Variants in ABCC5 observed in about 807,000 individuals in gnomAD.
ABCC5 encodes the protein ATP-binding cassette sub-family C member 5.
ABCC5 carries 61 observed loss-of-function variants against 160.9 expected under a neutral mutation model. That is an observed-to-expected ratio of 0.38 (90% CI 0.31 to 0.47). The LOEUF is 0.47. Among genes scored for constraint, ABCC5 ranks in the 20% least tolerant of loss-of-function variants. The pLI, the probability that ABCC5 is intolerant of heterozygous loss-of-function variation, is 0.99. For synonymous variants in ABCC5, 666 were observed against 700.6 expected, an observed-to-expected ratio of 0.95 and a Z score of 0.78; for missense variants, 1,308 against 1,813.3, an observed-to-expected ratio of 0.72 and a Z score of 5.06.
At chr3:184,010,376 C>A (rs1471346600) in intron 2 of ABCC5, 1 of 151,728 alleles carries the variant, frequency 6.6e-6, no homozygotes, top group Non-Finnish European at 1.5e-5. Flanking sequence ...TATTAGCCTT[C>A]ATATTTCTCT....
chr3:183,976,703 C>T (rs1718246879), intron 10 of ABCC5, among the ~76,000 whole-genome samples: 1 of 152,122 alleles, frequency 6.6e-6, no homozygotes, highest in African/African-American at 2.4e-5. Context: ...TATATTCATC[C>T]CTCAAACATG....
At chr3:183,935,218 T>A (rs949364775) in intron 26 of ABCC5, among the ~76,000 whole-genome samples, 1 of 152,012 alleles carries the variant, frequency 6.6e-6, no homozygotes, top group Non-Finnish European at 1.5e-5. Context: ...TCTCGCTCTG[T>A]CGTCCAGGCT....
At chr3:183,980,873 C>T (rs867189890) in intron 8 of ABCC5, among the ~76,000 whole-genome samples, 4 of 152,028 alleles carry the variant, frequency 2.6e-5, no homozygotes, top group African/African-American at 9.7e-5. Context: ...CCACCACACC[C>T]AGCTTATTTT....
At position 183,963,273 on chromosome 3, in the gene ABCC5, C is replaced by G; in HGVS notation, c.2235+112G>C. ...GGGCTAATTTGCTAAGAAAATGAAA[C>G]CTTGATTCCAGGAATTTCTAGTTAT... On this transcript the variant is annotated intron_variant, in intron 15 of 29. Coordinates refer to ENST00000334444, the MANE Select transcript of ABCC5 (RefSeq NM_005688.4). This position sits in a 1 kb window ranked among gnomAD's most constrained non-coding sequence, Gnocchi z 4.6. The G allele has an allele frequency of 8.3e-7, 1 of 1,203,324 alleles. No individual in the cohort carries two copies. The allele number at this position is 1,203,324 out of a possible 1,614,324, so 74.5% of individuals were successfully genotyped here.
intron 29 of ABCC5, among the ~76,000 whole-genome samples, chr3:183,922,934 C>T (rs1577440519): frequency 6.6e-6 from 1 of 152,042 alleles, no homozygotes; most frequent in Non-Finnish European, 1.5e-5. Flanking sequence ...CCCCACACTG[C>T]TGAGCTGCAC....
At chr3:183,944,691 C>T (rs1714679282) in intron 24 of ABCC5, among the ~76,000 whole-genome samples, 1 of 152,306 alleles carries the variant, frequency 6.6e-6, no homozygotes, top group East Asian at 1.9e-4. Flanking sequence ...TGGCCCAACA[C>T]AAATTCGTCA....
chr3:183,984,188 T>C (rs921251135), intron 5 of ABCC5: 26 of 985,428 alleles, frequency 2.6e-5, no homozygotes, highest in Admixed American at 6.1e-5. Context: ...GAATTACCTC[T>C]GCTCGGGACA....
At chr3:183,926,775 G>A (rs933786985) in intron 28 of ABCC5, among the ~76,000 whole-genome samples, 1 of 151,384 alleles carries the variant, frequency 6.6e-6, no homozygotes, top group Non-Finnish European at 1.5e-5. Context: ...GGCCAGACAC[G>A]GTGGCTCACG....
intron 17 of ABCC5, among the ~76,000 whole-genome samples, chr3:183,956,265 G>T (rs1487182619): frequency 2.7e-5 from 4 of 149,016 alleles, no homozygotes; most frequent in Admixed American, 6.7e-5. Context: ...AATCACATCG[G>T]TTACATGCAG....
chr3:183,924,013 T>C (rs1179580057), intron 29 of ABCC5, among the ~76,000 whole-genome samples: 2 of 50,918 alleles, frequency 3.9e-5, no homozygotes, highest in Admixed American at 2.3e-4. Flanking sequence ...CTGTTTGCTT[T>C]TTTTTTTTTT....
In ABCC5 at chr3:183,949,919, C is replaced by A. The variant is rs1715185446; in HGVS notation, c.3099-38G>T. 6.2e-7 allele frequency: 1 copy of A among 1,614,024 alleles called. No individual in the cohort carries two copies. Among genetic ancestry groups the A allele is most frequent in the Non-Finnish European group, 8.5e-7 (1 of 1,179,922 alleles). On this transcript the variant is annotated intron_variant, in intron 21 of 29. Coordinates refer to ENST00000334444, the MANE Select transcript of ABCC5 (RefSeq NM_005688.4). The surrounding 1 kb of genome is among the most constrained non-coding windows in gnomAD (Gnocchi z 4.2). ...TGAGCTCCGTGTCACAGCACCTACC[C>A]AGCAACTGAGGCTTCTCCGTGGCCC... is the stretch of plus-strand genomic sequence containing the variant.
chr3:184,014,204 G>A (rs987225543), intron 2 of ABCC5, 60 bp downstream of exon 2: 12 of 1,513,482 alleles, frequency 7.9e-6, no homozygotes, highest in East Asian at 6.9e-5. Context: ...CCCATTATAC[G>A]AAAAAAGATG....
intron 22 of ABCC5, 50 bp from the exon 23 acceptor site, chr3:183,947,560 G>A (rs1373922477): frequency 6.8e-5 from 98 of 1,435,284 alleles, no homozygotes; most frequent in South Asian, 1.1e-4. Flanking sequence ...ACACAACCCC[G>A]CGCATGGACA....
Position 183,963,663 on chromosome 3 carries a change from C to A in ABCC5, c.2032-75G>T. The A allele has an allele frequency of 7.0e-7, 1 of 1,428,044 alleles. No individual in the cohort carries two copies. The highest frequency in any genetic ancestry group is 9.7e-7 in the Non-Finnish European group (1 of 1,034,640). 88.5% of individuals were successfully genotyped at this position (1,428,044 alleles called of 1,614,324 possible). A position where few individuals can be genotyped will look rare whatever the true frequency, so the allele number is the denominator to read the frequency against. ...GCGTGGAGGGGTCACCCAGTCACTT[C>A]TCTTCTTGCCCACCCAGACCAGCTC... On this transcript the variant is annotated intron_variant, in intron 14 of 29. Transcript: ENST00000334444. The surrounding 1 kb of genome is among the most constrained non-coding windows in gnomAD (Gnocchi z 4.6).
intron 28 of ABCC5, 142 bp downstream of exon 28, chr3:183,927,188 G>T (rs1712667683): frequency 1.2e-6 from 1 of 809,580 alleles, no homozygotes; most frequent in Non-Finnish European, 1.9e-6. Context: ...ATTGTGTCAG[G>T]GTTAGAGTTA....
At chr3:183,952,949 T>C (rs1447299254) in intron 18 of ABCC5, 137 bp downstream of exon 18, 2 of 1,075,720 alleles carry the variant, frequency 1.9e-6, no homozygotes, top group Non-Finnish European at 2.6e-6. Context: ...GGGACTCATC[T>C]TTTCATCCTG....
At chr3:183,965,526 G>A (rs967358613) in intron 12 of ABCC5, 25 bp from the exon 13 acceptor site, 1 of 1,613,030 alleles carries the variant, frequency 6.2e-7, no homozygotes, top group African/African-American at 1.3e-5. Context: ...ACCATCCAAT[G>A]GCATCATAAC....
Position 183,920,969 on chromosome 3 carries a change from A to G in ABCC5, c.*331T>C, listed in dbSNP as rs1711912443. The G allele has an allele frequency of 5.5e-6, 1 of 182,564 alleles. No individual in the cohort carries two copies. The highest frequency in any genetic ancestry group is 1.1e-5 in the Non-Finnish European group (1 of 88,362). The allele number at this position is 182,564 out of a possible 1,614,324, so 11.3% of individuals were successfully genotyped here. A position where few individuals can be genotyped will look rare whatever the true frequency, so the allele number is the denominator to read the frequency against. On this transcript the variant is annotated 3_prime_UTR_variant, in exon 30 of 30. Transcript: ENST00000334444. The surrounding 1 kb of genome is among the most constrained non-coding windows in gnomAD (Gnocchi z 4.1). ...TAAACAGCTTACATTTTCACTGTAA[A>G]TATAGGCTATGTACAGAATTATATA...
intron 27 of ABCC5, 59 bp downstream of exon 27, chr3:183,928,688 C>G (rs1712857034): frequency 6.7e-7 from 1 of 1,482,414 alleles, no homozygotes; most frequent in African/African-American, 1.4e-5. Flanking sequence ...GTGGCAAGGG[C>G]ACTGCTGTGC....
Sources: gnomAD v4.1 joint callset for allele counts (sites outside exome capture counted in the v4.1 genomes callset) on GRCh38, gnomAD v4.1.1 for gene constraint, Gnocchi (gnomAD v3.1) non-coding constraint, MANE v1.5 for transcripts, NCBI Gene and HGNC (gene_info 2026-07-23, HGNC 2026-07-21) for gene names.